PHF8: variants seen among roughly 807,000 people sequenced by gnomAD.
PHF8 encodes the protein histone lysine demethylase PHF8.
Under a neutral mutation model 74.4 loss-of-function variants are expected in PHF8, and 9 were observed. That is an observed-to-expected ratio of 0.12 (90% CI 0.07 to 0.21). The LOEUF is 0.21. PHF8 is among the 10% of genes least tolerant of loss of function. PHF8 has a pLI of 1.00. For synonymous variants in PHF8, 311 were observed against 316.6 expected (o/e 0.98, Z 0.19); for missense variants, 478 against 816.6 (o/e 0.59, Z 5.05).
intron 2 of PHF8, among the ~76,000 whole-genome samples, chrX:54,026,554 G>GTTGTTGTTGTT (rs782080273): frequency 9.2e-6 from 1 of 109,052 alleles, no homozygotes; most frequent in African/African-American, 3.4e-5. Flanking sequence ...TGTTGTTGTT[G>GTTGTTGTTGTT]TTAAGCACTC....
chrX:54,026,047 A>G (rs1262082030), intron 2 of PHF8, among the ~76,000 whole-genome samples: 1 of 111,472 alleles, frequency 9.0e-6, no homozygotes, highest in African/African-American at 3.3e-5. Context: ...GCCATCATAA[A>G]TTCACTGTCC....
At chrX:53,962,161 G>A (rs1366515943) in intron 19 of PHF8, among the ~76,000 whole-genome samples, 1 of 111,659 alleles carries the variant, frequency 9.0e-6, no homozygotes, top group Non-Finnish European at 1.9e-5. Context: ...GACACCTGAA[G>A]GAGAACTTTT....
intron 2 of PHF8, among the ~76,000 whole-genome samples, chrX:54,030,560 G>A (rs1471487751): frequency 8.9e-6 from 1 of 112,148 alleles, no homozygotes; most frequent in Non-Finnish European, 1.9e-5. Context: ...GGGAGACAGA[G>A]AGGCAGTGTC....
Position 53,964,733 on chromosome X carries a change from G to A in PHF8, c.2444-1794C>T, listed in dbSNP as rs370570284. 2.2e-4 allele frequency among the ~76,000 whole-genome samples: 24 copies of A among 110,019 alleles called. No homozygotes were observed. The South Asian group carries it at 5.0e-3, about 23-fold the overall frequency. Reference sequence around the variant, plus strand: ...ATACAAAAAAGTAGCTGGGCGTGGTGGCGCGCACCTGTAATCCCAGCTACT... The same window carrying A: ...ATACAAAAAAGTAGCTGGGCGTGGTAGCGCGCACCTGTAATCCCAGCTACT... On this transcript the variant is annotated intron_variant, in intron 18 of 21. Coordinates refer to ENST00000338154, the MANE Select transcript of PHF8 (RefSeq NM_015107.3).
At chrX:54,018,269 G>A (rs2066105154) in intron 4 of PHF8, among the ~76,000 whole-genome samples, 1 of 111,115 alleles carries the variant, frequency 9.0e-6, no homozygotes, top group Non-Finnish European at 1.9e-5. Flanking sequence ...TTCAGCCTGG[G>A]CATCATTTCT....
chrX:53,949,140 C>A (rs1483095920), intron 19 of PHF8, among the ~76,000 whole-genome samples: 3 of 111,176 alleles, frequency 2.7e-5, no homozygotes, highest in Non-Finnish European at 5.7e-5. Flanking sequence ...TGAGACCAGG[C>A]TGGCCAACAT....
intron 18 of PHF8, among the ~76,000 whole-genome samples, chrX:53,981,597 TA>T (rs1259218455): frequency 9.0e-6 from 1 of 111,712 alleles, no homozygotes; most frequent in Non-Finnish European, 1.9e-5. Context: ...AGCTGGTATC[TA>T]TTTAACCAAA....
At chrX:54,044,997 G>C, upstream of PHF8, 1 of 714,463 alleles carries the variant, frequency 1.4e-6, no homozygotes. Context: ...CAGGGGCTTC[G>C]AGAAGCCAAG....
chrX:53,981,508 T>A (rs2065478936), intron 18 of PHF8, among the ~76,000 whole-genome samples: 1 of 111,031 alleles, frequency 9.0e-6, no homozygotes, highest in Non-Finnish European at 1.9e-5. Context: ...GACATTTCCC[T>A]CTGTTTTTTT....
chrX:54,022,466 AC>A (rs1303750335), intron 3 of PHF8, 99 bp from the exon 4 acceptor site: 10 of 599,805 alleles, frequency 1.7e-5, no homozygotes, highest in Non-Finnish European at 2.6e-5. Context: ...CAATCTAACC[AC>A]CCCTTGGAGC....
intron 19 of PHF8, among the ~76,000 whole-genome samples, chrX:53,956,675 C>CGTGT (rs376217153): frequency 0.017 from 1,656 of 97,525 alleles, 18 homozygotes; most frequent in African/African-American, 0.046. Context: ...AAAATATGTG[C>CGTGT]GTGTGTGTGT....
intron 2 of PHF8, among the ~76,000 whole-genome samples, chrX:54,025,583 C>A (rs1442262057): frequency 9.0e-6 from 1 of 111,516 alleles, no homozygotes; most frequent in Non-Finnish European, 1.9e-5. Context: ...AAATCAGTAT[C>A]CATCTGGAGA....
intron 11 of PHF8, among the ~76,000 whole-genome samples, chrX:53,998,152 T>TA (rs1181361864): frequency 8.9e-6 from 1 of 112,189 alleles, no homozygotes; most frequent in African/African-American, 3.2e-5. Flanking sequence ...GCTAAAGGCT[T>TA]ACATTAGAAA....
chrX:53,939,016 C>T lies in PHF8; in HGVS notation c.*142G>A. 4.7e-6 allele frequency: 5 copies of T among 1,064,187 alleles called. No individual in the cohort carries two copies. Among genetic ancestry groups the T allele is most frequent in the South Asian group, 3.0e-5 (1 of 33,388 alleles). 87.7% of individuals were successfully genotyped at this position (1,064,187 alleles called of 1,213,427 possible). A position where few individuals can be genotyped will look rare whatever the true frequency, so the allele number is the denominator to read the frequency against. ...ACTAGAAGGAGTCGGTGGAGGGGTC[C>T]GTGCCTTTGGTAAGTCCCAAGAAAG... On this transcript the variant is annotated 3_prime_UTR_variant, in exon 22 of 22. Coordinates refer to ENST00000338154, the MANE Select transcript of PHF8 (RefSeq NM_015107.3).
intron 2 of PHF8, among the ~76,000 whole-genome samples, chrX:54,031,471 AG>A (rs1384585890): frequency 9.2e-6 from 1 of 109,095 alleles, no homozygotes; most frequent in East Asian, 2.9e-4. Flanking sequence ...CAGCGTACCT[AG>A]GAAGTGTCTC....
intron 18 of PHF8, among the ~76,000 whole-genome samples, chrX:53,981,494 C>A (rs1443341356): frequency 9.0e-6 from 1 of 111,193 alleles, no homozygotes; most frequent in Non-Finnish European, 1.9e-5. Flanking sequence ...AAAGAAGTTG[C>A]AAAGACATTT....
chrX:53,943,330 G>C (rs1557084110), intron 20 of PHF8: 3 of 854,219 alleles, frequency 3.5e-6, no homozygotes, highest in Non-Finnish European at 5.0e-6. Flanking sequence ...TAGAGGATAT[G>C]AGTTTGAGTT....
intron 18 of PHF8, among the ~76,000 whole-genome samples, chrX:53,969,867 T>TG (rs1359589890): frequency 2.7e-5 from 3 of 111,767 alleles, no homozygotes; most frequent in African/African-American, 6.5e-5. Flanking sequence ...GAACATTCAC[T>TG]GGGGAAAGAA....
In PHF8 at chrX:53,938,928, C is replaced by T; in HGVS notation, c.*230G>A. ...GGGTTCTAGTCAGCTGGAAACCTCTCCCATTTACCTGCTCCTCAGTGGAGA... is the reference window on the plus strand; with the variant it reads ...GGGTTCTAGTCAGCTGGAAACCTCTTCCATTTACCTGCTCCTCAGTGGAGA... On this transcript the variant is annotated 3_prime_UTR_variant, in exon 22 of 22. Coordinates refer to ENST00000338154, the MANE Select transcript of PHF8 (RefSeq NM_015107.3). 1.0e-6 allele frequency: 1 copy of T among 977,083 alleles called. No individual in the cohort carries two copies. Among genetic ancestry groups the T allele is most frequent in the Non-Finnish European group, 1.3e-6 (1 of 778,177 alleles). 80.5% of individuals were successfully genotyped at this position (977,083 alleles called of 1,213,427 possible).
Sources: gnomAD v4.1 joint callset for allele counts (sites outside exome capture counted in the v4.1 genomes callset) on GRCh38, gnomAD v4.1.1 for gene constraint, MANE v1.5 for transcripts, NCBI Gene and HGNC (gene_info 2026-07-23, HGNC 2026-07-21) for gene names.